Variants in DFFB observed in about 807,000 individuals in gnomAD.
DFFB encodes the protein DNA fragmentation factor 40 kDa subunit.
In DFFB, 29 loss-of-function variants were observed where a neutral mutation model predicts 32.7. That is an observed-to-expected ratio of 0.89 (90% CI 0.66 to 1.21). The LOEUF (loss-of-function observed/expected upper bound fraction) is 1.21, where lower values mean the gene tolerates loss of function less well. Ranked by LOEUF, DFFB falls within the 50% of genes most tolerant of loss-of-function variation. The pLI is 0.00. For synonymous variants in DFFB, 170 were observed against 177.1 expected, an observed-to-expected ratio of 0.96 and a Z score of 0.32; for missense variants, 398 against 440.6, an observed-to-expected ratio of 0.90 and a Z score of 0.87.
intron 6 of DFFB, among the ~76,000 whole-genome samples, chr1:3,873,946 A>G (rs911629854): frequency 3.3e-5 from 5 of 152,192 alleles, no homozygotes; most frequent in Admixed American, 6.5e-5. Flanking sequence ...TATGTAAAAC[A>G]CTATGGTCAT....
intron 3 of DFFB, 198 bp from the exon 4 acceptor site, chr1:3,867,776 C>A (rs1645013511): frequency 3.4e-6 from 2 of 586,310 alleles, no homozygotes; most frequent in African/African-American, 1.9e-5. Context: ...TTCCCTGAGC[C>A]CAGGAGGTTA....
chr1:3,868,818 G>T (rs1206394808), intron 4 of DFFB, among the ~76,000 whole-genome samples: 6 of 152,114 alleles, frequency 3.9e-5, no homozygotes, highest in Non-Finnish European at 7.4e-5. Flanking sequence ...TGCGTGGTCG[G>T]CCCCCACGCC....
intron 2 of DFFB, among the ~76,000 whole-genome samples, chr1:3,863,388 G>A (rs981899732): frequency 4.6e-5 from 7 of 152,096 alleles, no homozygotes; most frequent in Admixed American, 6.6e-5. Context: ...GATGCAGAGC[G>A]GCTGGAACCC....
At chr1:3,883,375 G>A in intron 6 of DFFB, 132 bp from the exon 7 acceptor site, 1 of 804,518 alleles carries the variant, frequency 1.2e-6, no homozygotes, top group Non-Finnish European at 1.9e-6. Context: ...AACCTGGCCA[G>A]TAGGTGCGGC....
intron 5 of DFFB, among the ~76,000 whole-genome samples, chr1:3,870,255 T>A (rs1330749010): frequency 6.6e-6 from 1 of 152,104 alleles, no homozygotes; most frequent in African/African-American, 2.4e-5. Context: ...CCCCTCCCCC[T>A]CCCATGGTGT....
rs1246573154 is a variant in DFFB, at chr1:3,865,330, T to C, written c.242-482T>C. On this transcript the variant is annotated intron_variant, in intron 2 of 6. Transcript: ENST00000378209. This position sits in a 1 kb window ranked among gnomAD's most constrained non-coding sequence, Gnocchi z 4.7. ...CCGTGGTGATATTTCTTTGTGCATG[T>C]TACTGAGTTCTCTTTGCTAACATTT... Among the ~76,000 whole-genome samples the C allele has an allele frequency of 6.6e-6, 1 of 152,194 alleles. No homozygotes were observed.
intron 2 of DFFB, among the ~76,000 whole-genome samples, chr1:3,862,755 G>A (rs1018103486): frequency 2.0e-5 from 3 of 152,178 alleles, no homozygotes; most frequent in South Asian, 4.1e-4. Flanking sequence ...AAAACATAGC[G>A]ATAAGTCCTC....
At chr1:3,866,133 A>G in intron 3 of DFFB, 133 bp downstream of exon 3, 1 of 773,648 alleles carries the variant, frequency 1.3e-6, no homozygotes, top group Non-Finnish European at 2.1e-6. Flanking sequence ...GACTTGGAAG[A>G]AAATGTGCTC....
Position 3,872,561 on chromosome 1 carries a change from C to T in DFFB, c.771C>T (p.Asn257=), listed in dbSNP as rs774923879. The T allele has an allele frequency of 1.3e-5, 21 of 1,613,264 alleles. No individual in the cohort carries two copies. The highest frequency in any genetic ancestry group is 1.7e-5 in the Admixed American group (1 of 59,982). Residue 257 remains asparagine, a synonymous_variant, in exon 6 of 7, where the codon AAC becomes AAT. Transcript: ENST00000378209. ...GCAGGATCCTCTTCAGCACCTGGAA[C>T]CTGGATCACATGTAAGCTCACAGAG... ...RESRILFSTW[N]LDHIIEKKRT...
At chr1:3,872,348 G>A (rs1645132836) in intron 5 of DFFB, 124 bp from the exon 6 acceptor site, 3 of 668,930 alleles carry the variant, frequency 4.5e-6, no homozygotes, top group East Asian at 5.5e-5. Context: ...GGGAGGCGGA[G>A]GTTGTAGTAA....
At chr1:3,869,306 C>A (rs1038822961) in intron 4 of DFFB, among the ~76,000 whole-genome samples, 1 of 152,232 alleles carries the variant, frequency 6.6e-6, no homozygotes, top group South Asian at 2.1e-4. Context: ...AGTGATCCGC[C>A]CACCTCGGCC....
chr1:3,883,479 A>C, intron 6 of DFFB, 28 bp from the exon 7 acceptor site: 1 of 1,607,270 alleles, frequency 6.2e-7, no homozygotes, highest in Non-Finnish European at 8.5e-7. Flanking sequence ...TGACCACAGA[A>C]AATGATGTCT....
chr1:3,882,366 T>C (rs1353413624), intron 6 of DFFB, among the ~76,000 whole-genome samples: 1 of 152,002 alleles, frequency 6.6e-6, no homozygotes, highest in Non-Finnish European at 1.5e-5. Context: ...ATGTAGTTTT[T>C]TGTTTTCTTT....
In DFFB at chr1:3,857,673, C is replaced by A; in HGVS notation, c.70C>A (p.Arg24=). The part of the protein sequence containing the change: ...RSPRKFGVAG[R]SCQEVLRKGC... ...CCCGAGGAAGTTCGGCGTGGCTGGC[C>A]GGAGCTGCCAGGAGGTGCTGCGCAA... Residue 24 remains arginine (R), a synonymous_variant, in exon 1 of 7, where the codon CGG becomes AGG. Coordinates refer to ENST00000378209, the MANE Select transcript of DFFB (RefSeq NM_004402.4). 1 of 1,594,268 alleles carries A rather than the reference C, an allele frequency of 6.3e-7. No homozygotes were observed.
intron 2 of DFFB, among the ~76,000 whole-genome samples, chr1:3,859,057 G>A (rs1451124514): frequency 6.6e-6 from 1 of 152,170 alleles, no homozygotes; most frequent in Non-Finnish European, 1.5e-5. Context: ...CTGTTCAATT[G>A]GTCGTCTTTT....
chr1:3,858,891 G>T, intron 2 of DFFB, 47 bp downstream of exon 2: 1 of 1,601,906 alleles, frequency 6.2e-7, no homozygotes, highest in Non-Finnish European at 8.5e-7. Context: ...GGCACTCTCC[G>T]AGGTCCTGGG....
chr1:3,857,533 A>T lies in DFFB; in HGVS notation c.-71A>T, dbSNP rs980981846. On this transcript the variant is annotated 5_prime_UTR_variant, in exon 1 of 7. Transcript: ENST00000378209. Reference sequence around the variant, plus strand: ...GGTGCAGACCCCTGCGGCCAGGGCGAGGACGGATCTGAGCAGCTGGGCAGC... The same window carrying T: ...GGTGCAGACCCCTGCGGCCAGGGCGTGGACGGATCTGAGCAGCTGGGCAGC... 5 of 1,167,582 alleles carry T rather than the reference A, an allele frequency of 4.3e-6. No individual in the cohort carries two copies. In the African/African-American group the frequency reaches 6.4e-5, roughly 15 times the overall value. 72.3% of individuals were successfully genotyped at this position (1,167,582 alleles called of 1,614,324 possible). A position where few individuals can be genotyped will look rare whatever the true frequency, so the allele number is the denominator to read the frequency against.
At chr1:3,870,258 C>T (rs1645084982) in intron 5 of DFFB, among the ~76,000 whole-genome samples, 1 of 152,214 alleles carries the variant, frequency 6.6e-6, no homozygotes, top group South Asian at 2.1e-4. Flanking sequence ...CTCCCCCTCC[C>T]ATGGTGTGGG....
At chr1:3,877,855 G>A (rs543515312) in intron 6 of DFFB, among the ~76,000 whole-genome samples, 1 of 149,030 alleles carries the variant, frequency 6.7e-6, no homozygotes, top group Non-Finnish European at 1.5e-5. Context: ...ATTCTGTGCC[G>A]GCTTTCTATT....
Sources: gnomAD v4.1 joint callset for allele counts (sites outside exome capture counted in the v4.1 genomes callset) on GRCh38, gnomAD v4.1.1 for gene constraint, Gnocchi (gnomAD v3.1) non-coding constraint, MANE v1.5 for transcripts, NCBI Gene and HGNC (gene_info 2026-07-23, HGNC 2026-07-21) for gene names.